STXBP5L: variants seen among roughly 807,000 people sequenced by gnomAD.
STXBP5L encodes syntaxin-binding protein 5-like.
STXBP5L carries 65 observed loss-of-function variants against 144.5 expected under a neutral mutation model. The observed-to-expected ratio is 0.45, with a 90% CI of 0.37 to 0.55. STXBP5L has a LOEUF of 0.55. STXBP5L is among the 20% of genes least tolerant of loss of function. The pLI, the probability that STXBP5L is intolerant of heterozygous loss-of-function variation, is 0.00. For synonymous variants in STXBP5L, 505 were observed against 469.6 expected (o/e 1.08, Z -0.97); for missense variants, 1,298 against 1,405.5 (o/e 0.92, Z 1.22).
chr3:120,961,997 G>T (rs948281634), intron 3 of STXBP5L, among the ~76,000 whole-genome samples: 4 of 152,054 alleles, frequency 2.6e-5, no homozygotes, highest in African/African-American at 9.7e-5. Flanking sequence ...CTCATTGTGG[G>T]TTTGAATTTC....
At chr3:120,950,290 G>GA (rs1711125938) in intron 2 of STXBP5L, among the ~76,000 whole-genome samples, 1 of 151,972 alleles carries the variant, frequency 6.6e-6, no homozygotes, top group Admixed American at 6.6e-5. Flanking sequence ...TTTCCTCAAT[G>GA]AATTGTCTTG....
chr3:121,005,160 G>C (rs1012680357), intron 3 of STXBP5L, among the ~76,000 whole-genome samples: 48 of 152,210 alleles, frequency 3.2e-4, no homozygotes, highest in African/African-American at 1.1e-3. Context: ...GGTAGAATTT[G>C]GCTGTGAATC....
chr3:121,250,795 A>G (rs2108362229), intron 15 of STXBP5L, 32 bp downstream of exon 15: 2 of 1,582,884 alleles, frequency 1.3e-6, no homozygotes, highest in African/African-American at 2.7e-5. Context: ...AACAGAAACC[A>G]ATTGGTTAAT....
intron 20 of STXBP5L, among the ~76,000 whole-genome samples, chr3:121,349,941 G>A (rs1267948875): frequency 1.3e-5 from 2 of 152,038 alleles, no homozygotes; most frequent in Non-Finnish European, 2.9e-5. Context: ...TTTATTTGGA[G>A]CATTTAGCCC....
intron 3 of STXBP5L, among the ~76,000 whole-genome samples, chr3:120,978,738 CTGTT>C (rs1401311201): frequency 2.6e-5 from 4 of 152,120 alleles, no homozygotes; most frequent in Admixed American, 6.5e-5. Context: ...TATATCCTTT[CTGTT>C]TGTTAGTTTT....
At chr3:121,063,828 G>A (rs1197507509) in intron 5 of STXBP5L, among the ~76,000 whole-genome samples, 1 of 152,070 alleles carries the variant, frequency 6.6e-6, no homozygotes, top group Non-Finnish European at 1.5e-5. Flanking sequence ...AGTAATGGAG[G>A]ACGCCCCTCC....
At chr3:121,119,957 G>A (rs2044387035) in intron 6 of STXBP5L, among the ~76,000 whole-genome samples, 1 of 151,256 alleles carries the variant, frequency 6.6e-6, no homozygotes, top group Non-Finnish European at 1.5e-5. Context: ...TCTTGCATGT[G>A]ATCCGAGTAG....
chr3:121,036,753 G>T (rs543756250), intron 3 of STXBP5L, among the ~76,000 whole-genome samples: 1 of 139,618 alleles, frequency 7.2e-6, no homozygotes, highest in Non-Finnish European at 1.5e-5. Flanking sequence ...TCAGTTGATA[G>T]GATGACTTAC....
intron 5 of STXBP5L, among the ~76,000 whole-genome samples, chr3:121,093,023 A>T (rs1344439329): frequency 6.6e-6 from 1 of 152,222 alleles, no homozygotes; most frequent in Admixed American, 6.5e-5. Flanking sequence ...GCAGCTATTG[A>T]GATAATCATG....
chr3:121,257,126 T>A (rs777251253), intron 16 of STXBP5L, 35 bp from the exon 17 acceptor site: 1 of 1,471,582 alleles, frequency 6.8e-7, no homozygotes, highest in Non-Finnish European at 9.4e-7. Context: ...ATTATTAGTG[T>A]GACTTAAATT....
At chr3:121,398,872 G>A (rs1236715072) in intron 22 of STXBP5L, among the ~76,000 whole-genome samples, 2 of 152,096 alleles carry the variant, frequency 1.3e-5, no homozygotes, top group Non-Finnish European at 2.9e-5. Context: ...GAACTGCCAA[G>A]CCTCTAAATC....
At chr3:121,250,337 A>T (rs1263086591) in intron 14 of STXBP5L, among the ~76,000 whole-genome samples, 1 of 152,032 alleles carries the variant, frequency 6.6e-6, no homozygotes, top group Non-Finnish European at 1.5e-5. Flanking sequence ...TTTGAAACTT[A>T]ACTGAATTTT....
At chr3:121,101,406 G>A (rs1433856153) in intron 5 of STXBP5L, among the ~76,000 whole-genome samples, 3 of 152,084 alleles carry the variant, frequency 2.0e-5, no homozygotes, top group African/African-American at 7.2e-5. Context: ...GATCAATTAG[G>A]CTTCATTCCT....
At chr3:120,977,709 T>C (rs1010220602) in intron 3 of STXBP5L, among the ~76,000 whole-genome samples, 1 of 152,208 alleles carries the variant, frequency 6.6e-6, no homozygotes, top group Non-Finnish European at 1.5e-5. Context: ...TGTTTAGTGC[T>C]TCCTTCAGGA....
intron 3 of STXBP5L, among the ~76,000 whole-genome samples, chr3:121,019,921 C>A (rs560247130): frequency 4.5e-4 from 69 of 152,222 alleles, no homozygotes; most frequent in African/African-American, 1.6e-3. Flanking sequence ...CAAACCAAAA[C>A]AAAACCTCTG....
intron 3 of STXBP5L, among the ~76,000 whole-genome samples, chr3:120,963,914 G>C (rs571302770): frequency 6.6e-6 from 1 of 152,114 alleles, no homozygotes; most frequent in African/African-American, 2.4e-5. Context: ...GATTGTTTTT[G>C]GTTGGTAGGC....
At chr3:121,351,263 G>T (rs1254581045) in intron 20 of STXBP5L, among the ~76,000 whole-genome samples, 3 of 152,138 alleles carry the variant, frequency 2.0e-5, no homozygotes, top group African/African-American at 7.2e-5. Flanking sequence ...AACAGAGGCT[G>T]CAGAACAGCG....
chr3:121,035,774 A>C (rs769608145), intron 3 of STXBP5L, among the ~76,000 whole-genome samples: 27 of 152,170 alleles, frequency 1.8e-4, no homozygotes, highest in Non-Finnish European at 3.7e-4. Flanking sequence ...AATTGCATTG[A>C]ATCTGTAGAT....
intron 9 of STXBP5L, among the ~76,000 whole-genome samples, chr3:121,192,942 C>G (rs1474488152): frequency 1.1e-4 from 17 of 151,682 alleles, no homozygotes; most frequent in Admixed American, 1.1e-3. Flanking sequence ...ACACCAAAAG[C>G]AATGGCAACA....
Sources: allele counts gnomAD v4.1 joint callset (sites outside exome capture counted in the v4.1 genomes callset), GRCh38; gene constraint gnomAD v4.1.1; transcripts MANE v1.5; gene names NCBI Gene and HGNC (gene_info 2026-07-23, HGNC 2026-07-21).